The following MIPOL1 variants were observed in gnomAD, a reference collection of about 807,000 sequenced individuals.
MIPOL1 encodes the protein mirror-image polydactyly 1.
MIPOL1 carries 57 observed loss-of-function variants against 60.9 expected under a neutral mutation model. That is an observed-to-expected ratio of 0.94 (90% CI 0.76 to 1.17). MIPOL1 has a LOEUF of 1.17. MIPOL1 is among the 50% of genes most tolerant of loss of function. MIPOL1 has a pLI of 0.00. For missense variants in MIPOL1, 551 were observed against 511.6 expected (o/e 1.08, Z -0.74); for synonymous variants, 179 against 168.8 (o/e 1.06, Z -0.47).
chr14:37,546,728 T>C (rs184966267), intron 12 of MIPOL1, among the ~76,000 whole-genome samples, 177 bp from the exon 13 acceptor site: 18 of 152,242 alleles, frequency 1.2e-4, no homozygotes, highest in Non-Finnish European at 4.4e-5. Context: ...GCTGGGTTTT[T>C]TAACCTCAAA....
At chr14:37,355,021 G>A (rs1022813905) in intron 9 of MIPOL1, among the ~76,000 whole-genome samples, 6 of 132,078 alleles carry the variant, frequency 4.5e-5, no homozygotes, top group Non-Finnish European at 6.4e-5. Flanking sequence ...TTTACATTTT[G>A]GCATGATTTT....
intron 10 of MIPOL1, among the ~76,000 whole-genome samples, chr14:37,415,628 CAAA>C (rs11377270): frequency 2.4e-5 from 3 of 126,610 alleles, no homozygotes; most frequent in Non-Finnish European, 3.3e-5. Context: ...GACTCTGTCT[CAAA>C]AAAAAAAAAA....
At chr14:37,520,811 T>A in intron 12 of MIPOL1, among the ~76,000 whole-genome samples, 2 of 151,760 alleles carry the variant, frequency 1.3e-5, no homozygotes, top group Middle Eastern at 6.8e-3. Context: ...TATAATGAAA[T>A]ATTAAGTTGG....
At chr14:37,538,312 T>G (rs887361289) in intron 12 of MIPOL1, among the ~76,000 whole-genome samples, 1 of 152,226 alleles carries the variant, frequency 6.6e-6, no homozygotes, top group Non-Finnish European at 1.5e-5. Flanking sequence ...TTCTGAGAAT[T>G]TATAGCTAAT....
In MIPOL1 at chr14:37,329,720, T is replaced by G. The variant is rs1023237385; in HGVS notation, c.828+21201T>G. Among the ~76,000 whole-genome samples the G allele has an allele frequency of 1.1e-4, 16 of 152,300 alleles. 1 individual carries two copies. The highest frequency in any genetic ancestry group is 9.2e-4 in the Admixed American group (14 of 15,296). ...AAAAGAGCTTAATAAACTATTAAAC[T>G]GTGGCTATCATCCAGTAAACACTAA... On this transcript the variant is annotated intron_variant, in intron 9 of 12. Coordinates refer to ENST00000684589, the MANE Select transcript of MIPOL1 (RefSeq NM_001388067.1).
At chr14:37,309,417 T>G (rs1474643501) in intron 9 of MIPOL1, among the ~76,000 whole-genome samples, 2 of 152,124 alleles carry the variant, frequency 1.3e-5, no homozygotes, top group Non-Finnish European at 2.9e-5. Flanking sequence ...TTAAAATTTT[T>G]GGGCCTATTC....
chr14:37,247,700 T>A (rs984280112), intron 2 of MIPOL1, 129 bp from the exon 3 acceptor site: 20 of 541,048 alleles, frequency 3.7e-5, no homozygotes, highest in Non-Finnish European at 6.2e-5. Context: ...AATTCTCAGT[T>A]AATTGTCCCA....
At chr14:37,495,204 T>C in intron 11 of MIPOL1, among the ~76,000 whole-genome samples, 1 of 150,742 alleles carries the variant, frequency 6.6e-6, no homozygotes, top group South Asian at 2.1e-4. Flanking sequence ...TATGTATACA[T>C]GTGCCATGCT....
chr14:37,329,359 A>G (rs943979043), intron 9 of MIPOL1, among the ~76,000 whole-genome samples: 3 of 152,320 alleles, frequency 2.0e-5, no homozygotes, highest in Admixed American at 6.5e-5. Context: ...ACAAATATTT[A>G]CTTGCTTCCT....
chr14:37,429,046 T>G (rs2094014889), intron 11 of MIPOL1, among the ~76,000 whole-genome samples: 2 of 152,216 alleles, frequency 1.3e-5, no homozygotes, highest in African/African-American at 4.8e-5. Flanking sequence ...CTATAGCAAA[T>G]GCTAAATCCA....
intron 10 of MIPOL1, among the ~76,000 whole-genome samples, chr14:37,402,326 G>A (rs548693039): frequency 6.6e-6 from 1 of 152,138 alleles, no homozygotes; most frequent in East Asian, 1.9e-4. Flanking sequence ...CACCTTTTGG[G>A]GAGATAAACG....
chr14:37,494,129 C>T (rs2095084131), intron 11 of MIPOL1, among the ~76,000 whole-genome samples: 1 of 152,176 alleles, frequency 6.6e-6, no homozygotes, highest in Non-Finnish European at 1.5e-5. Flanking sequence ...AGCTCTCCTG[C>T]TTCACCTTTA....
intron 3 of MIPOL1, among the ~76,000 whole-genome samples, chr14:37,251,761 G>A (rs1974149436): frequency 6.6e-6 from 1 of 151,782 alleles, no homozygotes; most frequent in South Asian, 2.1e-4. Flanking sequence ...TTAAATTAAT[G>A]TTTATTTTTA....
chr14:37,303,401 A>G (rs780348593), intron 7 of MIPOL1, among the ~76,000 whole-genome samples: 3 of 151,888 alleles, frequency 2.0e-5, no homozygotes, highest in Non-Finnish European at 4.4e-5. Flanking sequence ...ATCTGCCTAC[A>G]TATCCAAGCC....
intron 9 of MIPOL1, among the ~76,000 whole-genome samples, chr14:37,369,153 A>G (rs967718241): frequency 6.6e-6 from 1 of 152,036 alleles, no homozygotes; most frequent in African/African-American, 2.4e-5. Context: ...TAGTTTGTTT[A>G]GAATCCAATA....
chr14:37,408,169 ACT>A (rs1248520647), intron 10 of MIPOL1, among the ~76,000 whole-genome samples: 2 of 151,790 alleles, frequency 1.3e-5, no homozygotes, highest in Admixed American at 1.3e-4. Flanking sequence ...ACCACACTCA[ACT>A]CTCCTAGTAT....
intron 9 of MIPOL1, among the ~76,000 whole-genome samples, chr14:37,329,266 T>C (rs2089469022): frequency 6.6e-6 from 1 of 152,058 alleles, no homozygotes; most frequent in African/African-American, 2.4e-5. Context: ...GGTAAATGAT[T>C]GACTTCATTA....
At chr14:37,424,758 C>T (rs957798424) in intron 11 of MIPOL1, among the ~76,000 whole-genome samples, 2 of 152,124 alleles carry the variant, frequency 1.3e-5, no homozygotes, top group Admixed American at 1.3e-4. Context: ...TGAATGAATA[C>T]ATCCTACCAA....
At chr14:37,430,766 CACTT>C (rs1229526614) in intron 11 of MIPOL1, among the ~76,000 whole-genome samples, 1 of 152,104 alleles carries the variant, frequency 6.6e-6, no homozygotes, top group Non-Finnish European at 1.5e-5. Flanking sequence ...TTTATAAAAT[CACTT>C]ACAAATGTTT....
Sources: allele counts gnomAD v4.1 joint callset (sites outside exome capture counted in the v4.1 genomes callset), GRCh38; gene constraint gnomAD v4.1.1; transcripts MANE v1.5; gene names NCBI Gene and HGNC (gene_info 2026-07-23, HGNC 2026-07-21).